The following RADX variants were observed in gnomAD, a reference collection of about 807,000 sequenced individuals.
RADX encodes RPA-related protein RADX.
A neutral mutation model predicts 61.6 loss-of-function variants in RADX; 36 were observed. The observed-to-expected ratio is 0.58, with a 90% CI of 0.45 to 0.77. RADX has a LOEUF of 0.77. RADX is among the 30% of genes least tolerant of loss of function. RADX has a pLI of 0.00. For missense variants in RADX, 497 were observed against 651.1 expected, an observed-to-expected ratio of 0.76 and a Z score of 2.58; for synonymous variants, 272 against 237.9, an observed-to-expected ratio of 1.14 and a Z score of -1.32.
At chrX:106,676,347 C>A (rs1159897468) in intron 13 of RADX, among the ~76,000 whole-genome samples, 2 of 112,232 alleles carry the variant, frequency 1.8e-5, no homozygotes, top group East Asian at 2.8e-4. Flanking sequence ...CCTTCTAAAA[C>A]CCATTTGGCA....
chrX:106,677,528 TTG>T (rs1928541553), intron 13 of RADX, among the ~76,000 whole-genome samples: 1 of 107,789 alleles, frequency 9.3e-6, no homozygotes, highest in African/African-American at 3.4e-5. Context: ...GAGAAGCGAA[TTG>T]TCTTACTGGA....
chrX:106,665,828 G>C (rs931953567), intron 12 of RADX, among the ~76,000 whole-genome samples: 4 of 111,662 alleles, frequency 3.6e-5, no homozygotes, highest in African/African-American at 1.3e-4. Context: ...AGGGTGAATT[G>C]TTATTGAAAA....
Position 106,632,924 on chromosome X carries a change from C to T in RADX, c.1089-8C>T, listed in dbSNP as rs1569424425. The T allele has an allele frequency of 2.5e-6, 3 of 1,177,665 alleles. No individual in the cohort carries two copies. In the South Asian group the frequency reaches 5.6e-5, roughly 22 times the overall value. On this transcript the variant is annotated splice_polypyrimidine_tract_variant and splice_region_variant and intron_variant, in intron 4 of 13. Transcript: ENST00000372548. ...TAAAATATTAATTTAGTGATTTTAC[C>T]TTTTTAGGTCAGAACTGGATGATAT...
At chrX:106,638,267 CT>C (rs746231371) in intron 8 of RADX, 10,699 of 118,028 alleles carry the variant, frequency 0.091, 976 homozygotes, top group African/African-American at 0.29. Context: ...CCTGAAACTT[CT>C]TTTTTTTTTT....
intron 3 of RADX, among the ~76,000 whole-genome samples, chrX:106,630,359 A>C (rs1927186659): frequency 9.1e-6 from 1 of 110,126 alleles, no homozygotes; most frequent in African/African-American, 3.3e-5. Flanking sequence ...AAAAAAAAAA[A>C]ACACCTAATA....
chrX:106,668,313 G>A (rs1928279534), intron 12 of RADX, among the ~76,000 whole-genome samples: 1 of 111,540 alleles, frequency 9.0e-6, no homozygotes, highest in African/African-American at 3.3e-5. Context: ...GGGAAAGACC[G>A]AAAAGGAGGA....
intron 3 of RADX, among the ~76,000 whole-genome samples, chrX:106,630,695 C>A (rs959205704): frequency 9.0e-6 from 1 of 111,127 alleles, no homozygotes; most frequent in Non-Finnish European, 1.9e-5. Context: ...TTCTCACTTA[C>A]AAGCAGGAGC....
intron 11 of RADX, among the ~76,000 whole-genome samples, chrX:106,654,094 T>C (rs1927868425): frequency 9.0e-6 from 1 of 111,571 alleles, no homozygotes; most frequent in Admixed American, 9.5e-5. Context: ...TGGTTCTAGA[T>C]CCTTGAGGAA....
At chrX:106,633,428 C>T (rs1181774812) in intron 6 of RADX, among the ~76,000 whole-genome samples, 176 bp downstream of exon 6, 5 of 111,067 alleles carry the variant, frequency 4.5e-5, no homozygotes, top group Non-Finnish European at 9.4e-5. Context: ...ATTAACAACC[C>T]GTTGGTTGTC....
At position 106,622,671 on chromosome X, in the gene RADX, T is replaced by G. The variant is rs1926980328; in HGVS notation, c.664T>G (p.Ser222Ala). The change falls in exon 2 of 14, where the codon TCT (serine) becomes GCT (alanine). Residue 222 changes from serine to alanine, a missense_variant. This residue lies in a region of RADX where 196 missense variants were observed against 315.0 expected (regional missense o/e 0.62). Transcript: ENST00000372548. ...NFSDTKIISL[S>A]HLEMTWTNRR... ...TCTAGATACCAAAATAATTTCCCTT[T>G]CTCATCTTGAAATGACCTGGACTAA... 8.8e-7 allele frequency: 1 copy of G among 1,140,062 alleles called. No homozygotes were observed. Among genetic ancestry groups the G allele is most frequent in the Non-Finnish European group, 1.2e-6 (1 of 838,856 alleles). 94.0% of individuals were successfully genotyped at this position (1,140,062 alleles called of 1,213,427 possible).
chrX:106,667,124 G>A (rs1928246721), intron 12 of RADX, among the ~76,000 whole-genome samples: 1 of 111,489 alleles, frequency 9.0e-6, no homozygotes, highest in Non-Finnish European at 1.9e-5. Flanking sequence ...ACAGGTGCTG[G>A]AAAGTGTTGT....
chrX:106,653,298 T>A (rs1209755912), intron 11 of RADX, among the ~76,000 whole-genome samples: 1 of 110,832 alleles, frequency 9.0e-6, no homozygotes. Context: ...AGTTTATAGT[T>A]TATATAGAAG....
At chrX:106,634,611 A>G (rs1927318104) in intron 6 of RADX, among the ~76,000 whole-genome samples, 1 of 111,488 alleles carries the variant, frequency 9.0e-6, no homozygotes, top group African/African-American at 3.3e-5. Context: ...AATTTTAAAA[A>G]TATATCTGAA....
At chrX:106,649,449 T>G in intron 11 of RADX, among the ~76,000 whole-genome samples, 1 of 111,771 alleles carries the variant, frequency 8.9e-6, no homozygotes, top group Non-Finnish European at 1.9e-5. Context: ...AGCTTGGTGA[T>G]TAAACTTCAT....
At chrX:106,675,811 A>G (rs1928493981) in intron 13 of RADX, among the ~76,000 whole-genome samples, 1 of 112,363 alleles carries the variant, frequency 8.9e-6, no homozygotes. Context: ...TTTTTATGAT[A>G]TAAATACTAT....
rs1024078869 is a variant in RADX at position 106,646,097 on chromosome X, G to A, written c.1905-2216G>A. Among the ~76,000 whole-genome samples, 3 of 110,672 alleles carry A rather than the reference G, an allele frequency of 2.7e-5. No homozygotes were observed. In the East Asian group the frequency reaches 8.5e-4, roughly 31 times the overall value. On this transcript the variant is annotated intron_variant, in intron 10 of 13. Transcript: ENST00000372548. ...TCCTTATTATTTTTGTCTCGAAATC[G>A]ATTTTGTCTGATATAAAGATAGCTA... is the stretch of plus-strand genomic sequence containing the variant.
intron 12 of RADX, among the ~76,000 whole-genome samples, chrX:106,663,819 A>G (rs1299918619): frequency 9.0e-6 from 1 of 111,657 alleles, no homozygotes; most frequent in African/African-American, 3.2e-5. Flanking sequence ...GAAACATAGA[A>G]CTTGAATTTT....
At position 106,678,868 on chromosome X, in the gene RADX, C is replaced by T. The variant is rs190449844; in HGVS notation, c.*610C>T. ...CTTCATTTTGTGACTTTGTGTGGTT[C>T]GAATTTCTCAGTATTTTAACCAGTG... On this transcript the variant is annotated 3_prime_UTR_variant, in exon 14 of 14. Coordinates refer to ENST00000372548, the MANE Select transcript of RADX (RefSeq NM_018015.6). 6.9e-4 allele frequency: 77 copies of T among 111,900 alleles called. No individual in the cohort carries two copies. The highest frequency in any genetic ancestry group is 1.4e-3 in the Non-Finnish European group (72 of 53,056). The allele number at this position is 111,900 out of a possible 1,213,427, so 9.2% of individuals were successfully genotyped here.
chrX:106,639,191 T>C (rs1459712420), intron 8 of RADX: 1 of 140,505 alleles, frequency 7.1e-6, no homozygotes, highest in Non-Finnish European at 1.4e-5. Flanking sequence ...GCTAGCAATA[T>C]GTAATAGTGT....
Sources: allele counts gnomAD v4.1 joint callset (sites outside exome capture counted in the v4.1 genomes callset), GRCh38; gene constraint gnomAD v4.1.1; regional missense constraint gnomAD v4.1.1; transcripts MANE v1.5; gene names NCBI Gene and HGNC (gene_info 2026-07-23, HGNC 2026-07-21).